Variants in ATP8A2 observed in about 807,000 individuals in gnomAD.
ATP8A2 encodes the protein phospholipid-transporting ATPase IB.
A neutral mutation model predicts 165.6 loss-of-function variants in ATP8A2; 100 were observed. That is an observed-to-expected ratio of 0.60 (90% CI 0.51 to 0.71). The LOEUF (loss-of-function observed/expected upper bound fraction) is 0.71, where lower values mean the gene tolerates loss of function less well. ATP8A2 is among the 30% of genes least tolerant of loss of function. ATP8A2 has a pLI of 0.00. For synonymous variants in ATP8A2, 543 were observed against 548.8 expected (o/e 0.99, Z 0.15); for missense variants, 1,227 against 1,479.5 (o/e 0.83, Z 2.80).
rs80219487 is a variant in ATP8A2 at position 25,538,997 on chromosome 13, T to C, written c.581+936T>C. On this transcript the variant is annotated intron_variant, in intron 7 of 36. Coordinates refer to ENST00000381655, the MANE Select transcript of ATP8A2 (RefSeq NM_016529.6). ...AAAGAAACCGTTAGAAATATTAAAA[T>C]ATTGATCACTTGATAGTTCGGGCTT... 3.4e-3 allele frequency among the ~76,000 whole-genome samples: 514 copies of C among 152,200 alleles called. 3 individuals carry two copies. Among genetic ancestry groups the C allele is most frequent in the African/African-American group, 0.012 (495 of 41,510 alleles).
At chr13:25,425,040 G>T (rs1383066988) in intron 1 of ATP8A2, among the ~76,000 whole-genome samples, 1 of 152,180 alleles carries the variant, frequency 6.6e-6, no homozygotes, top group Non-Finnish European at 1.5e-5. Flanking sequence ...GTGCATTTCA[G>T]TGATGACGGT....
intron 30 of ATP8A2, among the ~76,000 whole-genome samples, chr13:25,848,147 C>T (rs1242172451): frequency 6.6e-6 from 1 of 152,248 alleles, no homozygotes; most frequent in African/African-American, 2.4e-5. Flanking sequence ...CATGCTGTGC[C>T]TCCTGCTTCT....
intron 2 of ATP8A2, among the ~76,000 whole-genome samples, chr13:25,485,072 A>T (rs796968278): frequency 2.8e-4 from 42 of 152,354 alleles, no homozygotes; most frequent in African/African-American, 9.9e-4. Context: ...ATTAGAATTC[A>T]TTGACCATTC....
intron 24 of ATP8A2, among the ~76,000 whole-genome samples, chr13:25,649,494 G>A (rs1292918333): frequency 1.3e-5 from 2 of 152,180 alleles, no homozygotes; most frequent in African/African-American, 4.8e-5. Context: ...ATGCATGGTT[G>A]AAGTTTTCCT....
chr13:25,533,410 A>C, intron 6 of ATP8A2, 97 bp downstream of exon 6: 1 of 698,998 alleles, frequency 1.4e-6, no homozygotes. Context: ...TGTTAGACAC[A>C]GTAGAGTTTT....
chr13:25,744,952 T>C (rs937954885), intron 25 of ATP8A2, among the ~76,000 whole-genome samples: 6 of 152,222 alleles, frequency 3.9e-5, no homozygotes, highest in African/African-American at 1.2e-4. Flanking sequence ...TTTCTTTTCT[T>C]TTTTGAGATG....
chr13:25,789,576 A>G (rs1218131325), intron 27 of ATP8A2, among the ~76,000 whole-genome samples: 2 of 152,242 alleles, frequency 1.3e-5, no homozygotes, highest in Non-Finnish European at 2.9e-5. Context: ...GCTCAAAAAA[A>G]TCAGAGATGA....
chr13:25,496,041 C>T (rs566085154), intron 2 of ATP8A2, among the ~76,000 whole-genome samples: 11 of 152,062 alleles, frequency 7.2e-5, no homozygotes, highest in African/African-American at 1.9e-4. Flanking sequence ...AGATGTTCCC[C>T]GTGAAACACC....
chr13:25,842,690 AAAAAG>A (rs1478993494), intron 30 of ATP8A2, among the ~76,000 whole-genome samples: 2 of 151,526 alleles, frequency 1.3e-5, no homozygotes, highest in Non-Finnish European at 2.9e-5. Context: ...AGAAAGAAAG[AAAAAG>A]AAAAGAAAAG....
At chr13:25,553,589 C>T (rs1034612954) in intron 11 of ATP8A2, among the ~76,000 whole-genome samples, 14 of 152,240 alleles carry the variant, frequency 9.2e-5, no homozygotes, top group African/African-American at 2.4e-4. Flanking sequence ...GTTCCCGCTA[C>T]GTCCTGTGAG....
At chr13:25,589,724 T>C (rs1165482357) in intron 24 of ATP8A2, 25 bp downstream of exon 24, 1 of 1,469,622 alleles carries the variant, frequency 6.8e-7, no homozygotes, top group Admixed American at 1.7e-5. Flanking sequence ...AAAGTTGTAT[T>C]TGCTTTGCTA....
intron 35 of ATP8A2, among the ~76,000 whole-genome samples, chr13:25,980,195 A>G (rs1330527623): frequency 6.6e-6 from 1 of 152,178 alleles, no homozygotes; most frequent in Non-Finnish European, 1.5e-5. Context: ...CCACTGTGGA[A>G]CGCAGGTCTT....
chr13:25,533,928 C>G (rs1184499227), intron 6 of ATP8A2, among the ~76,000 whole-genome samples: 5 of 152,106 alleles, frequency 3.3e-5, no homozygotes, highest in African/African-American at 1.2e-4. Context: ...AGTGTTTTAG[C>G]TGGACCTTCT....
At chr13:25,598,474 T>A (rs1028498885) in intron 24 of ATP8A2, among the ~76,000 whole-genome samples, 8 of 152,202 alleles carry the variant, frequency 5.3e-5, no homozygotes, top group African/African-American at 1.7e-4. Context: ...GATATTTGCA[T>A]TCTATGAACG....
intron 26 of ATP8A2, among the ~76,000 whole-genome samples, chr13:25,773,494 C>A (rs1427766734): frequency 6.6e-6 from 1 of 152,134 alleles, no homozygotes; most frequent in Non-Finnish European, 1.5e-5. Context: ...TGTCCAGAGA[C>A]CCCCTCCCCC....
At chr13:25,439,582 A>G (rs1348418109) in intron 1 of ATP8A2, among the ~76,000 whole-genome samples, 1 of 152,150 alleles carries the variant, frequency 6.6e-6, no homozygotes, top group Non-Finnish European at 1.5e-5. Context: ...TGTTAAACAT[A>G]CTGAGTTGGG....
At chr13:25,701,706 C>T (rs1239797462) in intron 25 of ATP8A2, among the ~76,000 whole-genome samples, 1 of 146,868 alleles carries the variant, frequency 6.8e-6, no homozygotes, top group African/African-American at 2.5e-5. Context: ...CTTTTCTTGC[C>T]AGGTGCTTGA....
At chr13:25,959,156 C>T (rs1441967497) in intron 33 of ATP8A2, among the ~76,000 whole-genome samples, 1 of 152,214 alleles carries the variant, frequency 6.6e-6, no homozygotes, top group Admixed American at 6.5e-5. Context: ...GGCAGGACAA[C>T]AGGAGCTGGA....
intron 28 of ATP8A2, among the ~76,000 whole-genome samples, chr13:25,835,299 C>T (rs1342837519): frequency 1.3e-5 from 2 of 152,052 alleles, no homozygotes; most frequent in Admixed American, 6.6e-5. Context: ...TGCAACAAGT[C>T]CCCTGTGGAT....
Sources: gnomAD v4.1 joint callset for allele counts (sites outside exome capture counted in the v4.1 genomes callset) on GRCh38, gnomAD v4.1.1 for gene constraint, MANE v1.5 for transcripts, NCBI Gene and HGNC (gene_info 2026-07-23, HGNC 2026-07-21) for gene names.